TBX10: variants seen among roughly 807,000 people sequenced by gnomAD.
The protein encoded by TBX10 is T-box transcription factor TBX10.
TBX10 carries 26 observed loss-of-function variants against 32.4 expected under a neutral mutation model. The ratio of observed to expected loss-of-function variants is 0.80; its 90% CI spans 0.59 to 1.11. TBX10 has a LOEUF of 1.11. TBX10 is among the 50% of genes most tolerant of loss of function. The probability of loss-of-function intolerance (pLI) is 0.00; values close to 1 mark genes in which losing one functional copy is unlikely to be tolerated. For synonymous variants in TBX10, 195 were observed against 203.1 expected, an observed-to-expected ratio of 0.96 and a Z score of 0.34; for missense variants, 490 against 494.5, an observed-to-expected ratio of 0.99 and a Z score of 0.09.
chr11:67,634,809 C>T lies in TBX10; in HGVS notation c.377+7G>A, dbSNP rs1481527759. 5 of 1,613,276 alleles carry T rather than the reference C, an allele frequency of 3.1e-6. No individual in the cohort carries two copies. In the East Asian group the frequency reaches 1.1e-4, roughly 36 times the overall value. On this transcript the variant is annotated splice_region_variant and intron_variant, in intron 3 of 7. Transcript: ENST00000335385. ...CCTGAGCCTTTGCCCCAGGCCGGTC[C>T]CCGCACCTGTATCTCTTGTCGTCCA...
Position 67,632,354 on chromosome 11 carries a change from G to T in TBX10, c.832C>A (p.Pro278Thr). 4 of 1,613,364 alleles carry T rather than the reference G, an allele frequency of 2.5e-6. No homozygotes were observed. The highest frequency in any genetic ancestry group is 3.4e-6 in the Non-Finnish European group (4 of 1,180,026). The stretch of plus-strand genomic sequence containing the variant: ...TCTGTGGCACCCTTCAGCACACAGG[G>T]ACTGAGGCTGCTGTGACTCCGGGCT... ...VPARSHSSLS[P>T]CVLKGATDRE... Residue 278 changes from proline to threonine, a missense_variant, in exon 7 of 8, where the codon CCC becomes ACC. Physicochemically the swap from Pro to Thr is conservative, Grantham distance 38 (BLOSUM62 -1). Transcript: ENST00000335385.
In TBX10 at chr11:67,631,403, T is replaced by G; in HGVS notation, c.*202A>C. 1 of 653,112 alleles carries G rather than the reference T, an allele frequency of 1.5e-6. No individual in the cohort carries two copies. Among genetic ancestry groups the G allele is most frequent in the Non-Finnish European group, 2.6e-6 (1 of 385,438 alleles). 40.5% of individuals were successfully genotyped at this position (653,112 alleles called of 1,614,324 possible). A position where few individuals can be genotyped will look rare whatever the true frequency, so the allele number is the denominator to read the frequency against. Reference sequence around the variant, plus strand: ...GGGCACAGTATTCAGGCTGCTGGGGTTGGGAGATAGAAGTCCTGGTTCCAA... The same window carrying G: ...GGGCACAGTATTCAGGCTGCTGGGGGTGGGAGATAGAAGTCCTGGTTCCAA... On this transcript the variant is annotated 3_prime_UTR_variant, in exon 8 of 8. Transcript: ENST00000335385.
In TBX10 at chr11:67,635,102, G is replaced by A. The variant is rs778052982; in HGVS notation, c.169C>T (p.Pro57Ser). ...QAVAEPTGQG[P>S]KNPRVSRVTV... ...ACTCTGGACACACGTGGGTTCTTGG[G>A]GCCCTGCCCAGTGGGCTCGGCCACA... The change falls in exon 2 of 8, where the codon CCC becomes TCC. Residue 57 changes from proline to serine, a missense_variant. Physicochemically the swap from Pro to Ser is moderately conservative, Grantham distance 74. Transcript: ENST00000335385. 1.3e-5 allele frequency: 21 copies of A among 1,613,860 alleles called. No individual in the cohort carries two copies. In the Middle Eastern group the frequency reaches 4.9e-4, roughly 38 times the overall value.
Position 67,634,921 on chromosome 11 carries a change from C to T in TBX10, c.276-4G>A, listed in dbSNP as rs367961950. ...CTGGAAGGGGGGGAACATCCTCCTGCGGGAGGGAGGTGCTCAGCAGCCGGA... is the reference window on the plus strand; with the variant it reads ...CTGGAAGGGGGGGAACATCCTCCTGTGGGAGGGAGGTGCTCAGCAGCCGGA... On this transcript the variant is annotated splice_region_variant and splice_polypyrimidine_tract_variant and intron_variant, in intron 2 of 7. Coordinates refer to ENST00000335385, the MANE Select transcript of TBX10 (RefSeq NM_005995.5). The T allele has an allele frequency of 4.2e-5, 68 of 1,613,038 alleles. No individual in the cohort carries two copies. The highest frequency in any genetic ancestry group is 1.6e-4 in the Middle Eastern group (1 of 6,082).
At position 67,634,904 on chromosome 11, in the gene TBX10, G is replaced by A; in HGVS notation, c.289C>T (p.Pro97Ser). The A allele has an allele frequency of 1.2e-6, 2 of 1,613,410 alleles. No individual in the cohort carries two copies. Among genetic ancestry groups the A allele is most frequent in the Non-Finnish European group, 1.7e-6 (2 of 1,180,018 alleles). ...ATGCCCAGGATCTTCACCTGGAAGGGGGGGAACATCCTCCTGCGGGAGGGA... is the reference window on the plus strand; with the variant it reads ...ATGCCCAGGATCTTCACCTGGAAGGAGGGGAACATCCTCCTGCGGGAGGGA... Reference protein sequence around the residue: ...VTKAGRRMFPPFQVKILGMDS... With the variant: ...VTKAGRRMFPSFQVKILGMDS... Residue 97 changes from proline to serine, a missense_variant, in exon 3 of 8, where the codon CCC becomes TCC. By Grantham distance (74) the Pro-to-Ser change is moderately conservative (BLOSUM62 -1). Transcript: ENST00000335385.
intron 1 of TBX10, 64 bp downstream of exon 1, chr11:67,639,402 G>GCGCC: frequency 3.5e-6 from 1 of 288,592 alleles, no homozygotes; most frequent in Non-Finnish European, 7.0e-6. Flanking sequence ...TTCCCACCCT[G>GCGCC]CCCACCCACC....
upstream of TBX10, among the ~76,000 whole-genome samples, chr11:67,639,933 T>G (rs1591127013): frequency 1.4e-5 from 2 of 145,978 alleles, 1 homozygote; most frequent in African/African-American, 5.1e-5. Context: ...GGTGGGAGAG[T>G]GGTTCTTGAG....
At chr11:67,638,308 GA>G (rs1291152242) in intron 1 of TBX10, among the ~76,000 whole-genome samples, 1 of 151,990 alleles carries the variant, frequency 6.6e-6, no homozygotes, top group Non-Finnish European at 1.5e-5. Flanking sequence ...GTTTTAAATG[GA>G]AAAAAATCCT....
Position 67,631,600 on chromosome 11 carries a change from T to A in TBX10, c.*5A>T. On this transcript the variant is annotated 3_prime_UTR_variant, in exon 8 of 8. Transcript: ENST00000335385. The stretch of plus-strand genomic sequence containing the variant: ...TAGCAGGGCTTCCCCCCAGGGCTTC[T>A]GGCATCACTGGGAGTCCTGGCCAGG... 1 of 1,591,616 alleles carries A rather than the reference T, an allele frequency of 6.3e-7. No individual in the cohort carries two copies. Among genetic ancestry groups the A allele is most frequent in the South Asian group, 1.1e-5 (1 of 88,280 alleles).
upstream of TBX10, among the ~76,000 whole-genome samples, chr11:67,641,325 G>A (rs979045511): frequency 2.6e-5 from 4 of 152,142 alleles, no homozygotes; most frequent in Admixed American, 6.5e-5. Flanking sequence ...CCACATGCAC[G>A]CAGACACACG....
chr11:67,638,578 G>A (rs1003745451), intron 1 of TBX10, among the ~76,000 whole-genome samples: 2 of 152,222 alleles, frequency 1.3e-5, no homozygotes, highest in African/African-American at 4.8e-5. Context: ...CATCTGCTGA[G>A]GTACCAGGTG....
rs1411705420 is a variant in TBX10, at chr11:67,632,929, C to T, written c.705+19G>A. The T allele has an allele frequency of 1.2e-6, 2 of 1,614,148 alleles. No homozygotes were observed. The highest frequency in any genetic ancestry group is 3.3e-5 in the Admixed American group (2 of 60,026). ...GTGAAATGGGCCTGCAGCGGGTGCT[C>T]CCGAGCTGGTTCACCCACCCTGTGG... is the stretch of plus-strand genomic sequence containing the variant. On this transcript the variant is annotated intron_variant, in intron 5 of 7. Transcript: ENST00000335385.
In TBX10 at chr11:67,635,120, C is replaced by T. The variant is rs372244845; in HGVS notation, c.151G>A (p.Glu51Lys). ...TSSTGAQAVA[E>K]PTGQGPKNPR... ...TTCTTGGGGCCCTGCCCAGTGGGCT[C>T]GGCCACAGCTTGGGCCCCAGTAGAG... is the stretch of plus-strand genomic sequence containing the variant. The change falls in exon 2 of 8, where the codon GAG becomes AAG. Residue 51 changes from glutamate to lysine, a missense_variant. By Grantham distance (56) the Glu-to-Lys change is moderately conservative. This residue lies in a region of TBX10 where 307 missense variants were observed against 294.9 expected (regional missense o/e 1.04). Transcript: ENST00000335385. 16 of 1,613,672 alleles carry T rather than the reference C, an allele frequency of 9.9e-6. No individual in the cohort carries two copies. The highest frequency in any genetic ancestry group is 5.3e-5 in the African/African-American group (4 of 74,932).
At chr11:67,640,034 C>T (rs528219944), upstream of TBX10, among the ~76,000 whole-genome samples, 2 of 152,140 alleles carry the variant, frequency 1.3e-5, no homozygotes, top group African/African-American at 2.4e-5. Flanking sequence ...CAGCAGATTG[C>T]GGGCTGAATG....
chr11:67,639,316 G>T, intron 1 of TBX10, 150 bp downstream of exon 1: 1 of 1,134,396 alleles, frequency 8.8e-7, no homozygotes, highest in Non-Finnish European at 1.3e-6. Flanking sequence ...TGTCCCGTTG[G>T]GATCTCAGAC....
chr11:67,634,967 C>T, intron 2 of TBX10, 29 bp downstream of exon 2: 2 of 1,613,282 alleles, frequency 1.2e-6, no homozygotes, highest in Admixed American at 3.3e-5. Context: ...ACCCTGGCCC[C>T]TGCCTCACCC....
intron 1 of TBX10, among the ~76,000 whole-genome samples, chr11:67,638,926 G>C (rs1318734950): frequency 6.6e-6 from 1 of 152,156 alleles, no homozygotes; most frequent in Admixed American, 6.5e-5. Flanking sequence ...AGGTGGGGGG[G>C]CTCATGATTT....
chr11:67,641,234 G>C (rs1448829445), upstream of TBX10, among the ~76,000 whole-genome samples: 1 of 150,840 alleles, frequency 6.6e-6, no homozygotes, highest in Non-Finnish European at 1.5e-5. Context: ...CCCCTGATAC[G>C]TGTGTGTGTG....
chr11:67,632,899 C>G, intron 5 of TBX10, 49 bp downstream of exon 5: 1 of 1,613,886 alleles, frequency 6.2e-7, no homozygotes, highest in Non-Finnish European at 8.5e-7. Flanking sequence ...TCAGTCTCCA[C>G]CCCTGTGAAA....
Sources: gnomAD v4.1 joint callset for allele counts (sites outside exome capture counted in the v4.1 genomes callset) on GRCh38, gnomAD v4.1.1 for gene constraint, gnomAD v4.1.1 regional missense constraint, MANE v1.5 for transcripts, NCBI Gene and HGNC (gene_info 2026-07-23, HGNC 2026-07-21) for gene names.